The following RAB27A variants were observed in gnomAD, a reference collection of about 807,000 sequenced individuals.
RAB27A encodes RAB27A, member RAS oncogene family.
In RAB27A, 17 loss-of-function variants were observed where a neutral mutation model predicts 20.8. That is an observed-to-expected ratio of 0.82 (90% CI 0.56 to 1.23). The LOEUF is 1.23. RAB27A is among the 50% of genes most tolerant of loss of function. RAB27A has a pLI of 0.00. For synonymous variants in RAB27A, 85 were observed against 92.8 expected (o/e 0.92, Z 0.48); for missense variants, 277 against 266.7 (o/e 1.04, Z -0.27).
intron 2 of RAB27A, among the ~76,000 whole-genome samples, chr15:55,240,930 A>G (rs927822527): frequency 6.6e-6 from 1 of 152,182 alleles, no homozygotes; most frequent in African/African-American, 2.4e-5. Context: ...TCATCAATAT[A>G]TTTTAGACTC....
intron 6 of RAB27A, 65 bp downstream of exon 6, chr15:55,223,824 A>G: frequency 1.9e-6 from 3 of 1,585,318 alleles, no homozygotes; most frequent in Non-Finnish European, 2.6e-6. Flanking sequence ...CTTTTTCATT[A>G]CCATTCACCT....
intron 2 of RAB27A, among the ~76,000 whole-genome samples, chr15:55,239,899 CT>C (rs1896412727): frequency 6.6e-6 from 1 of 152,132 alleles, no homozygotes; most frequent in Non-Finnish European, 1.5e-5. Context: ...CTTATCTGAG[CT>C]TGCAGTCCAG....
chr15:55,249,677 T>C (rs1440359758), intron 2 of RAB27A, among the ~76,000 whole-genome samples: 1 of 152,214 alleles, frequency 6.6e-6, no homozygotes, highest in Non-Finnish European at 1.5e-5. Context: ...TCAAGCTAGT[T>C]AGTTGTGGTT....
chr15:55,233,415 A>T (rs1896124756), intron 3 of RAB27A, among the ~76,000 whole-genome samples: 1 of 152,236 alleles, frequency 6.6e-6, no homozygotes, highest in Non-Finnish European at 1.5e-5. Context: ...ACTAGAAAAT[A>T]GAAAAAGAAA....
intron 2 of RAB27A, among the ~76,000 whole-genome samples, chr15:55,296,956 A>G (rs972118112): frequency 1.3e-5 from 2 of 152,212 alleles, no homozygotes; most frequent in Non-Finnish European, 2.9e-5. Context: ...TAAAAAAAAG[A>G]CATCAGAAAA....
At chr15:55,266,464 T>C (rs1320384735) in intron 2 of RAB27A, among the ~76,000 whole-genome samples, 1 of 152,180 alleles carries the variant, frequency 6.6e-6, no homozygotes, top group African/African-American at 2.4e-5. Flanking sequence ...AAGTGATTAA[T>C]TTGAGATATA....
chr15:55,301,557 G>GT (rs890346272), intron 2 of RAB27A, among the ~76,000 whole-genome samples: 17 of 150,796 alleles, frequency 1.1e-4, no homozygotes, highest in African/African-American at 3.9e-4. Context: ...CTTTAAAAGT[G>GT]TATGATTTGG....
At chr15:55,289,423 T>C (rs1188290289) in intron 1 of RAB27A, 1 of 152,174 alleles carries the variant, frequency 6.6e-6, no homozygotes, top group African/African-American at 2.4e-5. Flanking sequence ...TCCTGGAAAG[T>C]TTCCTACCCC....
chr15:55,245,984 T>C, intron 2 of RAB27A, among the ~76,000 whole-genome samples: 1 of 152,102 alleles, frequency 6.6e-6, no homozygotes, highest in South Asian at 2.1e-4. Flanking sequence ...CTCAGGAGGG[T>C]GAGGCAGGAG....
intron 2 of RAB27A, among the ~76,000 whole-genome samples, chr15:55,300,357 G>C (rs1476904860): frequency 6.6e-6 from 1 of 152,028 alleles, no homozygotes; most frequent in Non-Finnish European, 1.5e-5. Flanking sequence ...ATGGCAAACA[G>C]ATACGGTATT....
intron 2 of RAB27A, among the ~76,000 whole-genome samples, chr15:55,246,103 A>C (rs932497526): frequency 6.6e-6 from 1 of 150,774 alleles, no homozygotes; most frequent in Admixed American, 6.6e-5. Context: ...TATATATATA[A>C]TACATATAAA....
intron 6 of RAB27A, 145 bp from the exon 7 acceptor site, chr15:55,205,850 T>A: frequency 1.3e-6 from 1 of 784,522 alleles, no homozygotes; most frequent in Non-Finnish European, 2.2e-6. Context: ...ATTAAAAAGT[T>A]AAAAAGACAA....
intron 1 of RAB27A, among the ~76,000 whole-genome samples, chr15:55,286,852 T>C (rs929150520): frequency 3.3e-5 from 5 of 150,676 alleles, no homozygotes; most frequent in Non-Finnish European, 7.4e-5. Flanking sequence ...GTGACAGAGA[T>C]GATAGAACTT....
At chr15:55,276,474 G>A (rs1052743119) in intron 1 of RAB27A, among the ~76,000 whole-genome samples, 34 of 152,190 alleles carry the variant, frequency 2.2e-4, no homozygotes, top group African/African-American at 7.2e-4. Context: ...AGAGGCTGAG[G>A]CGCGACAATT....
intron 2 of RAB27A, among the ~76,000 whole-genome samples, chr15:55,295,929 C>T (rs2054946632): frequency 6.8e-6 from 1 of 147,780 alleles, no homozygotes; most frequent in South Asian, 2.1e-4. Flanking sequence ...TAGAGTTTCA[C>T]TCTTTCACCC....
chr15:55,279,736 A>C (rs1897964755), intron 1 of RAB27A, among the ~76,000 whole-genome samples: 1 of 152,224 alleles, frequency 6.6e-6, no homozygotes, highest in African/African-American at 2.4e-5. Context: ...ATGGCATTCT[A>C]ATGAAGACTT....
At position 55,301,081 on chromosome 15, in the gene RAB27A, C is replaced by G. The variant is rs1005055276; in HGVS notation, c.-112+12958G>C. ...GTACAAGCAGACTAGAAAATGCCAC[C>G]GTGACCTTTCAGTTAAGAGTGGGAG... On this transcript the variant is annotated intron_variant, in intron 2 of 5. Transcript: ENST00000563262. Among the ~76,000 whole-genome samples, 5 of 152,248 alleles carry G rather than the reference C, an allele frequency of 3.3e-5. No homozygotes were observed. In the East Asian group the frequency reaches 9.7e-4, roughly 29 times the overall value.
intron 2 of RAB27A, among the ~76,000 whole-genome samples, chr15:55,242,095 T>G (rs769335569): frequency 6.6e-6 from 1 of 152,050 alleles, no homozygotes; most frequent in Non-Finnish European, 1.5e-5. Flanking sequence ...GATCCCCCAC[T>G]ATTAGGCAGA....
At chr15:55,289,871 C>T (rs1898267141), upstream of RAB27A, 1 of 152,112 alleles carries the variant, frequency 6.6e-6, no homozygotes, top group Non-Finnish European at 1.5e-5. Flanking sequence ...ACCTTCTCTC[C>T]TCCACCTCCC....
Sources: allele counts gnomAD v4.1 joint callset (sites outside exome capture counted in the v4.1 genomes callset), GRCh38; gene constraint gnomAD v4.1.1; transcripts MANE v1.5; gene names NCBI Gene and HGNC (gene_info 2026-07-23, HGNC 2026-07-21).